The following RUNX1 variants were observed in gnomAD, a reference collection of about 807,000 sequenced individuals.
The protein encoded by RUNX1 is runt-related transcription factor 1.
Under a neutral mutation model 42.8 loss-of-function variants are expected in RUNX1, and 19 were observed. That is an observed-to-expected ratio of 0.44 (90% CI 0.31 to 0.65). The LOEUF (loss-of-function observed/expected upper bound fraction) is 0.65, where lower values mean the gene tolerates loss of function less well. RUNX1 is among the 30% of genes least tolerant of loss of function. RUNX1 has a pLI of 0.07. For synonymous variants in RUNX1, 271 were observed against 289.4 expected, an observed-to-expected ratio of 0.94 and a Z score of 0.64; for missense variants, 528 against 672.0, an observed-to-expected ratio of 0.79 and a Z score of 2.37.
At chr21:34,865,201 C>CAG (rs2057639491) in intron 5 of RUNX1, among the ~76,000 whole-genome samples, 1 of 151,530 alleles carries the variant, frequency 6.6e-6, no homozygotes, top group Non-Finnish European at 1.5e-5. Context: ...CCACAAAGAC[C>CAG]AGAGCTGTGA....
intron 2 of RUNX1, among the ~76,000 whole-genome samples, chr21:34,946,007 C>T (rs1601597265): frequency 6.6e-6 from 1 of 152,294 alleles, no homozygotes; most frequent in East Asian, 1.9e-4. Context: ...GATGCGTTCT[C>T]CTGTTCTCCT....
At chr21:34,921,796 G>A (rs182934287) in intron 2 of RUNX1, among the ~76,000 whole-genome samples, 65 of 152,028 alleles carry the variant, frequency 4.3e-4, no homozygotes, top group Admixed American at 2.4e-3. Flanking sequence ...CATACCTGGC[G>A]AATTTTTTTG....
intron 2 of RUNX1, among the ~76,000 whole-genome samples, chr21:35,018,037 G>T (rs1183265533): frequency 6.6e-6 from 1 of 151,922 alleles, no homozygotes; most frequent in African/African-American, 2.4e-5. Context: ...TTGTTTGTTT[G>T]TTTTTTGAGA....
chr21:34,841,040 A>T (rs1425815920), intron 6 of RUNX1, among the ~76,000 whole-genome samples: 1 of 152,172 alleles, frequency 6.6e-6, no homozygotes, highest in Admixed American at 6.5e-5. Context: ...CTGGGAAGAA[A>T]GCCACTCTGC....
At chr21:34,992,764 G>A (rs183730055) in intron 2 of RUNX1, among the ~76,000 whole-genome samples, 18 of 151,552 alleles carry the variant, frequency 1.2e-4, no homozygotes, top group African/African-American at 3.9e-4. Context: ...CCACACAAAC[G>A]CCTTCGTGGC....
In RUNX1 at chr21:34,885,982, G is replaced by C. The variant is rs372724207; in HGVS notation, c.351+861C>G. On this transcript the variant is annotated intron_variant, in intron 4 of 8. Coordinates refer to ENST00000675419, the MANE Select transcript of RUNX1 (RefSeq NM_001754.5). ...TTTTCATACCCCTGTTGAAGGTCAA[G>C]GTTTTTAAAGGCAGCTCAAAGCTTT... Among the ~76,000 whole-genome samples, 4 of 152,314 alleles carry C rather than the reference G, an allele frequency of 2.6e-5. No individual in the cohort carries two copies. The East Asian group carries it at 7.7e-4, about 29-fold the overall frequency.
chr21:35,033,137 A>G (rs548011548), intron 2 of RUNX1, among the ~76,000 whole-genome samples: 23 of 152,024 alleles, frequency 1.5e-4, no homozygotes, highest in Non-Finnish European at 2.4e-4. Flanking sequence ...TCATTCATTC[A>G]TTCAACTATC....
At position 34,791,153 on chromosome 21, in the gene RUNX1, T is replaced by A. The variant is rs551634227; in HGVS notation, c.*982A>T. The A allele has an allele frequency of 8.6e-6, 2 of 233,676 alleles. No homozygotes were observed. Among genetic ancestry groups the A allele is most frequent in the South Asian group, 3.6e-4 (2 of 5,530 alleles). The allele number at this position is 233,676 out of a possible 1,614,324, so 14.5% of individuals were successfully genotyped here. On this transcript the variant is annotated 3_prime_UTR_variant, in exon 9 of 9. Transcript: ENST00000675419. ...TGCGTGAGCTACTCACTTGTTTGAT[T>A]AACATGAAAGGGAGTTTAATGTAAA...
chr21:34,897,744 G>A (rs933434070), intron 2 of RUNX1, among the ~76,000 whole-genome samples: 1 of 152,144 alleles, frequency 6.6e-6, no homozygotes, highest in Non-Finnish European at 1.5e-5. Flanking sequence ...CTAGTTAGTA[G>A]CGTTGGAAGC....
intron 2 of RUNX1, among the ~76,000 whole-genome samples, chr21:34,929,916 A>G (rs1259192867): frequency 6.6e-6 from 1 of 152,020 alleles, no homozygotes; most frequent in African/African-American, 2.4e-5. Flanking sequence ...CTTTCCTAGT[A>G]TTTAAGTATT....
chr21:34,887,240 G>GT, intron 3 of RUNX1, 144 bp from the exon 4 acceptor site: 1 of 1,042,156 alleles, frequency 9.6e-7, no homozygotes. Context: ...TACTGCGGGG[G>GT]GTGGGGGGGG....
intron 2 of RUNX1, among the ~76,000 whole-genome samples, chr21:34,981,024 C>T (rs1468717740): frequency 6.6e-6 from 1 of 152,172 alleles, no homozygotes; most frequent in Non-Finnish European, 1.5e-5. Flanking sequence ...TATAAAGGTA[C>T]TTTATCAGCA....
At chr21:34,837,468 C>A (rs2057164074) in intron 6 of RUNX1, among the ~76,000 whole-genome samples, 1 of 152,200 alleles carries the variant, frequency 6.6e-6, no homozygotes, top group African/African-American at 2.4e-5. Context: ...AACCATCAGA[C>A]CTCATGTGCC....
chr21:34,948,393 C>T (rs181613001), intron 2 of RUNX1, among the ~76,000 whole-genome samples: 116 of 152,168 alleles, frequency 7.6e-4, no homozygotes, highest in Non-Finnish European at 1.0e-4. Flanking sequence ...TTCATTCTCT[C>T]GGGGTTTTCA....
At chr21:34,802,181 C>T (rs1175864613) in intron 7 of RUNX1, among the ~76,000 whole-genome samples, 1 of 152,148 alleles carries the variant, frequency 6.6e-6, no homozygotes, top group Non-Finnish European at 1.5e-5. Flanking sequence ...GGGAGTTATC[C>T]AGAAAAGGCC....
intron 2 of RUNX1, among the ~76,000 whole-genome samples, chr21:35,005,183 G>A (rs1425793414): frequency 1.3e-5 from 2 of 151,836 alleles, no homozygotes; most frequent in Non-Finnish European, 2.9e-5. Context: ...CTTACCCAAT[G>A]TGATGGAGTG....
intron 6 of RUNX1, among the ~76,000 whole-genome samples, chr21:34,842,513 A>C (rs997094069): frequency 6.6e-6 from 1 of 151,750 alleles, no homozygotes; most frequent in Middle Eastern, 3.4e-3. Context: ...AAAAAAAAAA[A>C]AATTAAATCA....
intron 7 of RUNX1, among the ~76,000 whole-genome samples, chr21:34,805,167 A>G (rs1213171337): frequency 1.3e-5 from 2 of 152,232 alleles, no homozygotes; most frequent in Admixed American, 6.5e-5. Flanking sequence ...ATGAACTTGA[A>G]GATACAGAAA....
chr21:34,980,319 G>T (rs1385270028), intron 2 of RUNX1, among the ~76,000 whole-genome samples: 1 of 152,158 alleles, frequency 6.6e-6, no homozygotes, highest in Non-Finnish European at 1.5e-5. Flanking sequence ...ATTCACCAAC[G>T]CAGGCCAGTG....
Sources: allele counts gnomAD v4.1 joint callset (sites outside exome capture counted in the v4.1 genomes callset), GRCh38; gene constraint gnomAD v4.1.1; transcripts MANE v1.5; gene names NCBI Gene and HGNC (gene_info 2026-07-23, HGNC 2026-07-21).